Variants in GANC observed in about 807,000 individuals in gnomAD.
GANC encodes the protein neutral alpha-glucosidase C.
In GANC, 117 loss-of-function variants were observed where a neutral mutation model predicts 124.2. That is an observed-to-expected ratio of 0.94 (90% CI 0.81 to 1.10). The LOEUF (loss-of-function observed/expected upper bound fraction) is 1.10. Ranked by LOEUF, GANC falls within the 50% of genes least tolerant of loss-of-function variation. GANC has a pLI of 0.00. For missense variants in GANC, 1,140 were observed against 1,095.0 expected (o/e 1.04, Z -0.58); for synonymous variants, 377 against 376.8 (o/e 1.00, Z -0.01).
rs187526911 is a variant in GANC, at chr15:42,349,313, T to C, written c.2419-70T>C. The stretch of plus-strand genomic sequence containing the variant: ...AACTTTTTACTCTGTTGTTACCCTT[T>C]AGGAGCTGACATTCTTTTCCTGTAA... On this transcript the variant is annotated intron_variant, in intron 21 of 23. Transcript: ENST00000318010. 1.4e-3 allele frequency: 1,322 copies of C among 969,876 alleles called. 1 individual carries two copies. Among genetic ancestry groups the C allele is most frequent in the Non-Finnish European group, 1.7e-3 (1,051 of 601,380 alleles). The allele number at this position is 969,876 out of a possible 1,614,324, so 60.1% of individuals were successfully genotyped here. A position where few individuals can be genotyped will look rare whatever the true frequency, so the allele number is the denominator to read the frequency against.
At chr15:42,281,007 A>G (rs1053990283) in intron 3 of GANC, 1 of 702,462 alleles carries the variant, frequency 1.4e-6, no homozygotes, top group Non-Finnish European at 2.6e-6. Flanking sequence ...TCTCAGCACA[A>G]GACAGCACCT....
chr15:42,308,220 A>G lies in GANC; in HGVS notation c.626-2A>G, dbSNP rs201715151. The G allele has an allele frequency of 3.8e-5, 60 of 1,596,354 alleles. No homozygotes were observed. The East Asian group carries it at 4.2e-4, about 11-fold the overall frequency. On this transcript the variant is annotated splice_acceptor_variant, in intron 7 of 23. Coordinates refer to ENST00000318010, the MANE Select transcript of GANC (RefSeq NM_198141.3). LOFTEE classifies it high-confidence loss of function. ...CAAAACTCAGTATCCTGGTCTCTAC[A>G]GGCCCTTCTTCTATTGGTTTGGATT... is the stretch of plus-strand genomic sequence containing the variant.
rs1243891315 is a variant in GANC, at chr15:42,351,370, TGGA to T, written c.2575_2577del (p.Glu859del). On this transcript the variant is annotated inframe_deletion, in exon 23 of 24. Transcript: ENST00000318010. ...GGTCATTATCCCAGCAAGTGTGTGG[TGGA>T]GAAGATCTTGGTCTTAGGCTTCAGG... The T allele has an allele frequency of 5.0e-6, 8 of 1,614,126 alleles. No individual in the cohort carries two copies. Among genetic ancestry groups the T allele is most frequent in the Non-Finnish European group, 6.8e-6 (8 of 1,179,972 alleles).
intron 17 of GANC, 89 bp from the exon 18 acceptor site, chr15:42,340,601 T>TG: frequency 2.5e-6 from 2 of 795,278 alleles, no homozygotes; most frequent in Admixed American, 3.0e-5. Context: ...GAGATCCATC[T>TG]AAAAAAAAAA....
intron 4 of GANC, among the ~76,000 whole-genome samples, chr15:42,291,803 G>A (rs2051844136): frequency 6.6e-6 from 1 of 152,126 alleles, no homozygotes; most frequent in South Asian, 2.1e-4. Flanking sequence ...GCATTAGACT[G>A]ACATATATGA....
Position 42,352,016 on chromosome 15 carries a change from G to T in GANC, c.2636-14G>T, listed in dbSNP as rs750900787. The T allele has an allele frequency of 8.7e-6, 14 of 1,613,680 alleles. No homozygotes were observed. The highest frequency in any genetic ancestry group is 1.0e-5 in the Non-Finnish European group (12 of 1,179,786). On this transcript the variant is annotated splice_polypyrimidine_tract_variant and intron_variant, in intron 23 of 23. Transcript: ENST00000318010. ...TTCATCAAAATTTCCCTCTTTTATTGTCTTGCTATTTAGATGGTAAAGATC... is the reference window on the plus strand; with the variant it reads ...TTCATCAAAATTTCCCTCTTTTATTTTCTTGCTATTTAGATGGTAAAGATC...
At chr15:42,348,799 A>G (rs1050204384) in intron 21 of GANC, among the ~76,000 whole-genome samples, 1 of 152,216 alleles carries the variant, frequency 6.6e-6, no homozygotes, top group Admixed American at 6.5e-5. Flanking sequence ...TTGCATTGAT[A>G]TCAATATTAT....
At chr15:42,294,146 T>C (rs2051869274) in intron 5 of GANC, among the ~76,000 whole-genome samples, 1 of 151,626 alleles carries the variant, frequency 6.6e-6, no homozygotes, top group South Asian at 2.1e-4. Context: ...CTATCTAAGT[T>C]GATCCTTTTA....
chr15:42,325,898 AG>A (rs1300609568), intron 11 of GANC, among the ~76,000 whole-genome samples: 1 of 152,204 alleles, frequency 6.6e-6, no homozygotes, highest in African/African-American at 2.4e-5. Flanking sequence ...CTGGGACCAC[AG>A]GTGGACACCA....
At chr15:42,331,231 AATGGCCACTTC>A (rs1380559322) in intron 15 of GANC, among the ~76,000 whole-genome samples, 3 of 152,222 alleles carry the variant, frequency 2.0e-5, no homozygotes, top group Non-Finnish European at 4.4e-5. Flanking sequence ...TCACTGAAGA[AATGGCCACTTC>A]GTTGTTGGGA....
intron 6 of GANC, among the ~76,000 whole-genome samples, chr15:42,305,270 AC>A (rs1555413460): frequency 2.0e-5 from 3 of 152,180 alleles, no homozygotes; most frequent in Non-Finnish European, 2.9e-5. Context: ...GAAAAAAACA[AC>A]CCCATCAAAA....
At chr15:42,283,784 T>C in intron 3 of GANC, 1 of 702,606 alleles carries the variant, frequency 1.4e-6, no homozygotes, top group Non-Finnish European at 2.6e-6. Context: ...CTACCGCTTA[T>C]TAGCCAGTAC....
In GANC at chr15:42,306,580, A is replaced by T. The variant is rs373118869; in HGVS notation, c.593A>T (p.Lys198Ile). ...GAAGATCTGGGCCTGTGGGAAGAGAAATTTGGAAAATTTGTGGATATCAAA... is the reference window on the plus strand; with the variant it reads ...GAAGATCTGGGCCTGTGGGAAGAGATATTTGGAAAATTTGTGGATATCAAA... ...NQEDLGLWEE[K>I]FGKFVDIKAN... Residue 198 changes from lysine to isoleucine, a missense_variant, in exon 7 of 24, where the codon AAA (lysine) becomes ATA (isoleucine). By Grantham distance (102) the Lys-to-Ile change is moderately radical (BLOSUM62 -3). Coordinates refer to ENST00000318010, the MANE Select transcript of GANC (RefSeq NM_198141.3). The T allele has an allele frequency of 1.2e-6, 2 of 1,613,348 alleles. No individual in the cohort carries two copies. Among genetic ancestry groups the T allele is most frequent in the Non-Finnish European group, 1.7e-6 (2 of 1,179,636 alleles).
chr15:42,339,492 C>T (rs2141073407), intron 16 of GANC, among the ~76,000 whole-genome samples, 177 bp from the exon 17 acceptor site: 1 of 152,216 alleles, frequency 6.6e-6, no homozygotes, highest in African/African-American at 2.4e-5. Context: ...TTGTCAGATC[C>T]CCAAACAGGC....
Position 42,326,414 on chromosome 15 carries a change from G to T in GANC, c.1410G>T (p.Val470=). The T allele has an allele frequency of 6.2e-7, 1 of 1,613,966 alleles. No homozygotes were observed. ...AGGAAGGGGAAGACTTTGAAGGGGT[G>T]TGTTGGCCAGGTATGAAATCACTTT... The part of the protein sequence containing the change: ...KNQEGEDFEG[V]CWPGLSSYLD... The change falls in exon 12 of 24, where the codon GTG becomes GTT. Residue 470 remains valine, a synonymous_variant. Transcript: ENST00000318010.
At chr15:42,301,725 A>C (rs193076287) in intron 6 of GANC, among the ~76,000 whole-genome samples, 92 of 152,312 alleles carry the variant, frequency 6.0e-4, no homozygotes, top group Non-Finnish European at 3.2e-4. Flanking sequence ...CACAGTCTAA[A>C]CAGAGGCACC....
chr15:42,275,847 G>A (rs2051666145), intron 1 of GANC, among the ~76,000 whole-genome samples: 1 of 152,072 alleles, frequency 6.6e-6, no homozygotes, highest in African/African-American at 2.4e-5. Context: ...GTGATTGCTG[G>A]TAAAACCCTA....
chr15:42,310,235 T>A, intron 8 of GANC, 48 bp from the exon 9 acceptor site: 1 of 1,349,428 alleles, frequency 7.4e-7, no homozygotes, highest in Admixed American at 2.1e-5. Flanking sequence ...TTTATTAATA[T>A]TAATAATATA....
At chr15:42,346,528 G>A (rs1031234244) in intron 20 of GANC, among the ~76,000 whole-genome samples, 1 of 152,142 alleles carries the variant, frequency 6.6e-6, no homozygotes, top group African/African-American at 2.4e-5. Flanking sequence ...TTCTATCAAA[G>A]CTGTAAAATG....
Sources: gnomAD v4.1 joint callset for allele counts (sites outside exome capture counted in the v4.1 genomes callset) on GRCh38, gnomAD v4.1.1 for gene constraint, MANE v1.5 for transcripts, NCBI Gene and HGNC (gene_info 2026-07-23, HGNC 2026-07-21) for gene names.